The following DNM3 variants were observed in gnomAD, a reference collection of about 807,000 sequenced individuals.
DNM3 encodes the protein dynamin 3, also known as dynamin-3.
DNM3 carries 47 observed loss-of-function variants against 101.6 expected under a neutral mutation model. The observed-to-expected ratio is 0.46, with a 90% CI of 0.37 to 0.59. The LOEUF is 0.59. Ranked by LOEUF, DNM3 falls within the 20% of genes least tolerant of loss-of-function variation. The pLI is 0.00. For missense variants in DNM3, 849 were observed against 1,085.7 expected, an observed-to-expected ratio of 0.78 and a Z score of 3.06; for synonymous variants, 385 against 387.9, an observed-to-expected ratio of 0.99 and a Z score of 0.09.
intron 14 of DNM3, among the ~76,000 whole-genome samples, chr1:172,196,437 T>C (rs974539387): frequency 6.6e-6 from 1 of 152,118 alleles, no homozygotes; most frequent in Non-Finnish European, 1.5e-5. Flanking sequence ...ATGGGATTGC[T>C]AGGTCAAATG....
intron 12 of DNM3, among the ~76,000 whole-genome samples, chr1:172,090,187 C>T (rs1445819839): frequency 6.6e-6 from 1 of 152,170 alleles, no homozygotes. Context: ...AAACATTACT[C>T]CTAAAACACA....
chr1:172,122,829 G>GACCT (rs1490557717), intron 13 of DNM3, among the ~76,000 whole-genome samples: 6 of 152,156 alleles, frequency 3.9e-5, no homozygotes, highest in Non-Finnish European at 1.5e-5. Context: ...CTACAAGGAA[G>GACCT]ACCTGTTTAT....
intron 2 of DNM3, among the ~76,000 whole-genome samples, chr1:171,961,921 A>C (rs2043238302): frequency 6.6e-6 from 1 of 152,194 alleles, no homozygotes; most frequent in Non-Finnish European, 1.5e-5. Context: ...TATAAAGAAA[A>C]GGAATTTATT....
intron 2 of DNM3, among the ~76,000 whole-genome samples, chr1:171,960,531 C>G (rs2043149528): frequency 6.6e-6 from 1 of 152,124 alleles, no homozygotes. Context: ...GTGATTGGAT[C>G]TTGAAGGCTC....
intron 14 of DNM3, chr1:172,136,700 A>G (rs537390129): frequency 7.2e-5 from 11 of 152,280 alleles, no homozygotes; most frequent in Admixed American, 5.2e-4. Context: ...AGTATTATTC[A>G]ATAAACCATA....
chr1:172,378,474 G>A (rs116744404), intron 17 of DNM3, among the ~76,000 whole-genome samples: 66 of 151,878 alleles, frequency 4.3e-4, no homozygotes, highest in Admixed American at 2.2e-3. Context: ...TCCAGCAAGT[G>A]CATGGAAGAA....
At position 172,051,431 on chromosome 1, in the gene DNM3, T is replaced by G. The variant is rs1360877601; in HGVS notation, c.1335+2681T>G. Among the ~76,000 whole-genome samples, 3 of 152,296 alleles carry G rather than the reference T, an allele frequency of 2.0e-5. No homozygotes were observed. The East Asian group carries it at 5.8e-4, about 29-fold the overall frequency. ...GTTCAGTGTCCATGTAGATATCATG[T>G]CCAATGCCTAAAAGCTACTTTTCTT... On this transcript the variant is annotated intron_variant, in intron 10 of 20. Transcript: ENST00000627582.
chr1:172,225,735 G>C (rs1419553916), intron 14 of DNM3, among the ~76,000 whole-genome samples: 6 of 151,946 alleles, frequency 3.9e-5, no homozygotes, highest in Non-Finnish European at 7.4e-5. Flanking sequence ...CCTGGTGACA[G>C]AGAAAGACCC....
chr1:171,873,386 C>G (rs1332633044), intron 1 of DNM3, among the ~76,000 whole-genome samples: 1 of 152,004 alleles, frequency 6.6e-6, no homozygotes, highest in East Asian at 1.9e-4. Flanking sequence ...GTGTGTCAGG[C>G]ACTGTTTTAA....
intron 14 of DNM3, among the ~76,000 whole-genome samples, chr1:172,232,445 T>C (rs2061375259): frequency 1.3e-5 from 2 of 152,116 alleles, no homozygotes. Context: ...AATGGGAGAC[T>C]TTAACACCCC....
In DNM3 at chr1:171,885,021, C is replaced by A. The variant is rs373125342; in HGVS notation, c.162-36727C>A. 3.3e-5 allele frequency among the ~76,000 whole-genome samples: 5 copies of A among 152,248 alleles called. No individual in the cohort carries two copies. The East Asian group carries it at 9.7e-4, about 29-fold the overall frequency. On this transcript the variant is annotated intron_variant, in intron 1 of 20. Transcript: ENST00000627582. ...CTAGATCCTATCATGTTGCTTGGCA[C>A]AAGGTAGTTGCTTGGGGAATGGTGA...
Position 172,195,239 on chromosome 1 carries a change from A to G in DNM3, c.1660-58334A>G, listed in dbSNP as rs923665635. Among the ~76,000 whole-genome samples, 11 of 151,964 alleles carry G rather than the reference A, an allele frequency of 7.2e-5. No homozygotes were observed. The East Asian group carries it at 9.7e-4, about 13-fold the overall frequency. On this transcript the variant is annotated intron_variant, in intron 14 of 20. Transcript: ENST00000627582. ...TCAAATCAAATTATTCATTGCTGGT[A>G]TATAGGAAGGCGATTGACTTTTGTA... is the stretch of plus-strand genomic sequence containing the variant.
intron 1 of DNM3, among the ~76,000 whole-genome samples, chr1:171,913,113 T>G (rs2039439062): frequency 6.6e-6 from 1 of 152,208 alleles, no homozygotes; most frequent in Non-Finnish European, 1.5e-5. Flanking sequence ...ACTGACTTCT[T>G]TGTTCAGTTT....
intron 15 of DNM3, among the ~76,000 whole-genome samples, chr1:172,297,492 A>G (rs1157277508): frequency 6.6e-6 from 1 of 151,756 alleles, no homozygotes; most frequent in Non-Finnish European, 1.5e-5. Context: ...TATATTTCCT[A>G]TTTCCTTAAT....
chr1:171,925,814 T>C (rs575953334), intron 2 of DNM3, among the ~76,000 whole-genome samples: 1 of 152,348 alleles, frequency 6.6e-6, no homozygotes, highest in South Asian at 2.1e-4. Context: ...TCCTAGGTTT[T>C]CTTCTAGAAT....
At chr1:172,193,870 C>T (rs2148452718) in intron 14 of DNM3, among the ~76,000 whole-genome samples, 1 of 152,210 alleles carries the variant, frequency 6.6e-6, no homozygotes, top group African/African-American at 2.4e-5. Flanking sequence ...TTCAGTTCTG[C>T]TCTGATCTTA....
At chr1:172,037,652 A>G (rs1246166454) in intron 6 of DNM3, among the ~76,000 whole-genome samples, 1 of 152,080 alleles carries the variant, frequency 6.6e-6, no homozygotes, top group Non-Finnish European at 1.5e-5. Flanking sequence ...TTCTTGGAAA[A>G]GTTTTCATTG....
chr1:171,953,212 T>C (rs1350779954), intron 2 of DNM3, among the ~76,000 whole-genome samples: 1 of 152,244 alleles, frequency 6.6e-6, no homozygotes, highest in Non-Finnish European at 1.5e-5. Context: ...GCTAGCTGAA[T>C]GTGATGCTTG....
chr1:172,266,419 T>A (rs2062860798), intron 15 of DNM3, among the ~76,000 whole-genome samples: 1 of 152,122 alleles, frequency 6.6e-6, no homozygotes, highest in Non-Finnish European at 1.5e-5. Context: ...AGAATTTCAG[T>A]AAGGTAAAAA....
Sources: allele counts gnomAD v4.1 joint callset (sites outside exome capture counted in the v4.1 genomes callset), GRCh38; gene constraint gnomAD v4.1.1; transcripts MANE v1.5; gene names NCBI Gene and HGNC (gene_info 2026-07-23, HGNC 2026-07-21).